BRD1: variants seen among roughly 807,000 people sequenced by gnomAD.
BRD1 encodes bromodomain-containing protein 1.
BRD1 carries 24 observed loss-of-function variants against 107.7 expected under a neutral mutation model. That is an observed-to-expected ratio of 0.22 (90% CI 0.16 to 0.31). The LOEUF (loss-of-function observed/expected upper bound fraction) is 0.31. BRD1 is among the 10% of genes least tolerant of loss of function. BRD1 has a pLI of 1.00. For missense variants in BRD1, 1,279 were observed against 1,638.6 expected (o/e 0.78, Z 3.79); for synonymous variants, 744 against 686.1 (o/e 1.08, Z -1.32).
At chr22:49,802,702 G>A (rs1404198240) in intron 3 of BRD1, among the ~76,000 whole-genome samples, 3 of 151,916 alleles carry the variant, frequency 2.0e-5, no homozygotes, top group Admixed American at 6.6e-5. Context: ...CGCGGGGGCC[G>A]AGACCAATGC....
At position 49,822,578 on chromosome 22, in the gene BRD1, C is replaced by T. The variant is rs146634410; in HGVS notation, c.1367+373G>A. Among the ~76,000 whole-genome samples the T allele has an allele frequency of 8.0e-3, 1,220 of 152,094 alleles. 21 individuals are homozygous for T. The highest frequency in any genetic ancestry group is 0.027 in the African/African-American group (1,138 of 41,482). The stretch of plus-strand genomic sequence containing the variant: ...TACAAAAATTTGTCGGGCATGGTGG[C>T]GCACGCCTGCAGTCCCAGCTACTCA... On this transcript the variant is annotated intron_variant, in intron 2 of 12. Transcript: ENST00000404760.
chr22:49,823,931 A>G lies in BRD1; in HGVS notation c.387T>C (p.Pro129=). Residue 129 remains proline, a synonymous_variant, in exon 2 of 13, where the codon CCT becomes CCC. Transcript: ENST00000404760. ...CAGGAGGCCTCCTGGGGGCGGACGG[A>G]GGGCTGTACTCCACGATGCGCACCT... ...EPKVRIVEYS[P]PSAPRRPPVY... 6.2e-7 allele frequency: 1 copy of G among 1,614,158 alleles called. No homozygotes were observed. The highest frequency in any genetic ancestry group is 8.5e-7 in the Non-Finnish European group (1 of 1,180,026).
intron 3 of BRD1, 31 bp downstream of exon 3, chr22:49,804,173 A>G: frequency 6.5e-7 from 1 of 1,537,172 alleles, no homozygotes; most frequent in Non-Finnish European, 8.8e-7. Flanking sequence ...TGAGAGACGC[A>G]GAAAGGCTGT....
chr22:49,827,091 C>A (rs1233280812), intron 1 of BRD1, among the ~76,000 whole-genome samples: 1 of 151,972 alleles, frequency 6.6e-6, no homozygotes, highest in Admixed American at 6.5e-5. Context: ...GCGGGCCTGT[C>A]TGTTACATAA....
At position 49,786,253 on chromosome 22, in the gene BRD1, G is replaced by A. The variant is rs189740755; in HGVS notation, c.2857+1137C>T. ...CCAGACACGCTTCCAGAAAAGAGTC[G>A]CTGGCAACCTGAGCCGGCACCTCCA... On this transcript the variant is annotated intron_variant, in intron 8 of 12. Coordinates refer to ENST00000404760, the MANE Select transcript of BRD1 (RefSeq NM_001304808.3). 4.1e-3 allele frequency among the ~76,000 whole-genome samples: 630 copies of A among 152,288 alleles called. 5 individuals carry two copies. The highest frequency in any genetic ancestry group is 0.014 in the African/African-American group (572 of 41,542).
intron 2 of BRD1, among the ~76,000 whole-genome samples, chr22:49,804,656 C>T (rs570538675): frequency 4.4e-4 from 67 of 152,268 alleles, no homozygotes; most frequent in African/African-American, 1.5e-3. Flanking sequence ...TGAGACCAGC[C>T]TGGCCAACAT....
intron 2 of BRD1, 63 bp from the exon 3 acceptor site, chr22:49,804,423 T>C: frequency 6.6e-7 from 1 of 1,516,424 alleles, no homozygotes; most frequent in Non-Finnish European, 8.9e-7. Flanking sequence ...TCACATAAAC[T>C]AGAAATGACA....
chr22:49,814,104 GGA>G (rs1471006174), intron 2 of BRD1, among the ~76,000 whole-genome samples: 1 of 152,194 alleles, frequency 6.6e-6, no homozygotes, highest in Non-Finnish European at 1.5e-5. Context: ...GGAAGGAATG[GGA>G]GAGGGGAGGC....
At chr22:49,778,342 A>T (rs1255072964) in intron 8 of BRD1, among the ~76,000 whole-genome samples, 2 of 152,372 alleles carry the variant, frequency 1.3e-5, no homozygotes, top group East Asian at 3.9e-4. Context: ...TGTTAACATG[A>T]AGTCAAAAAT....
At chr22:49,813,695 G>A (rs113025770) in intron 2 of BRD1, among the ~76,000 whole-genome samples, 1,593 of 151,918 alleles carry the variant, frequency 0.01, 24 homozygotes, top group African/African-American at 0.037. Context: ...AGCCAGGTGT[G>A]GTGGCAGGCG....
intron 10 of BRD1, among the ~76,000 whole-genome samples, 155 bp downstream of exon 10, chr22:49,776,879 G>C (rs960841877): frequency 3.3e-5 from 5 of 152,236 alleles, no homozygotes; most frequent in African/African-American, 9.6e-5. Flanking sequence ...AGAGCCCCTC[G>C]GTGTGTGATG....
chr22:49,777,426 C>T (rs1183181847), intron 9 of BRD1, among the ~76,000 whole-genome samples: 3 of 152,242 alleles, frequency 2.0e-5, no homozygotes, highest in Non-Finnish European at 4.4e-5. Context: ...AAGTGTAAAA[C>T]TTCATTGCAG....
In BRD1 at chr22:49,783,124, C is replaced by T. The variant is rs952234791; in HGVS notation, c.2857+4266G>A. Among the ~76,000 whole-genome samples the T allele has an allele frequency of 6.6e-6, 1 of 151,118 alleles. No homozygotes were observed. The highest frequency in any genetic ancestry group is 2.4e-5 in the African/African-American group (1 of 41,088). ...AGGCCAGACGCCTGCACGAGACCTG[C>T]TCTTGCTGGGACCCAGCTCCATGAC... is the stretch of plus-strand genomic sequence containing the variant. On this transcript the variant is annotated intron_variant, in intron 8 of 12. Transcript: ENST00000404760. The surrounding 1 kb of genome is among the most constrained non-coding windows in gnomAD (Gnocchi z 4.2).
At chr22:49,819,394 A>T (rs2060019633) in intron 2 of BRD1, among the ~76,000 whole-genome samples, 1 of 151,872 alleles carries the variant, frequency 6.6e-6, no homozygotes, top group African/African-American at 2.4e-5. Context: ...CTCACCAAAA[A>T]ATAAAAACAT....
intron 2 of BRD1, among the ~76,000 whole-genome samples, chr22:49,809,404 G>A (rs1395254258): frequency 6.6e-6 from 1 of 152,022 alleles, no homozygotes. Context: ...GCCAGGCGTG[G>A]TGACAGGTGC....
chr22:49,824,904 G>T lies in BRD1; in HGVS notation c.-14-573C>A. On this transcript the variant is annotated intron_variant, in intron 1 of 12. Coordinates refer to ENST00000404760, the MANE Select transcript of BRD1 (RefSeq NM_001304808.3). The surrounding 1 kb of genome is among the most constrained non-coding windows in gnomAD (Gnocchi z 5.9). ...CCTTGCAGCATTCCTGCTGGGGCCAGGGGTAGGAGACAGATCACAGCCTGT... is the reference window on the plus strand; with the variant it reads ...CCTTGCAGCATTCCTGCTGGGGCCATGGGTAGGAGACAGATCACAGCCTGT... The T allele has an allele frequency of 1.2e-6, 1 of 813,906 alleles. No homozygotes were observed. The highest frequency in any genetic ancestry group is 5.2e-5 in the South Asian group (1 of 19,226). 50.4% of individuals were successfully genotyped at this position (813,906 alleles called of 1,614,324 possible).
In BRD1 at chr22:49,784,272, T is replaced by G. The variant is rs571111171; in HGVS notation, c.2857+3118A>C. ...CGCCCCAGCACGTGCACAGGGAGAC[T>G]CGCGGCAGGGGTCTCCGCAACGGCG... On this transcript the variant is annotated intron_variant, in intron 8 of 12. Transcript: ENST00000404760. 2.1e-5 allele frequency among the ~76,000 whole-genome samples: 3 copies of G among 140,778 alleles called. No homozygotes were observed. The Admixed American group carries it at 2.2e-4, about 10-fold the overall frequency. 92.4% of individuals were successfully genotyped at this position (140,778 alleles called of 152,430 possible).
intron 2 of BRD1, among the ~76,000 whole-genome samples, chr22:49,813,450 T>C (rs1402428026): frequency 6.6e-6 from 1 of 151,460 alleles, no homozygotes; most frequent in Non-Finnish European, 1.5e-5. Context: ...TCTCAATCTC[T>C]TGACCTCGTG....
At chr22:49,812,355 A>G (rs1431207394) in intron 2 of BRD1, among the ~76,000 whole-genome samples, 1 of 152,252 alleles carries the variant, frequency 6.6e-6, no homozygotes, top group Non-Finnish European at 1.5e-5. Flanking sequence ...GTGCCTAGAA[A>G]TAAATCTAAT....
Sources: gnomAD v4.1 joint callset for allele counts (sites outside exome capture counted in the v4.1 genomes callset) on GRCh38, gnomAD v4.1.1 for gene constraint, Gnocchi (gnomAD v3.1) non-coding constraint, MANE v1.5 for transcripts, NCBI Gene and HGNC (gene_info 2026-07-23, HGNC 2026-07-21) for gene names.